TRHDE: variants seen among roughly 807,000 people sequenced by gnomAD.
The protein encoded by TRHDE is thyrotropin-releasing hormone-degrading ectoenzyme.
Under a neutral mutation model 125.7 loss-of-function variants are expected in TRHDE, and 72 were observed. That is an observed-to-expected ratio of 0.57 (90% CI 0.47 to 0.70). The LOEUF (loss-of-function observed/expected upper bound fraction) is 0.70. TRHDE is among the 30% of genes least tolerant of loss of function. The pLI, the probability that TRHDE is intolerant of heterozygous loss-of-function variation, is 0.00. For synonymous variants in TRHDE, 509 were observed against 509.1 expected, an observed-to-expected ratio of 1.00 and a Z score of 0.00; for missense variants, 1,110 against 1,327.1, an observed-to-expected ratio of 0.84 and a Z score of 2.54.
At chr12:72,187,310 AAC>A (rs59164233) in intron 2 of TRHDE, among the ~76,000 whole-genome samples, 18,483 of 130,996 alleles carry the variant, frequency 0.14, 1,235 homozygotes, top group African/African-American at 0.2. Context: ...AGAGAAACAC[AAC>A]ACACACACAC....
intron 2 of TRHDE, among the ~76,000 whole-genome samples, chr12:72,237,039 T>C (rs1720844357): frequency 6.6e-6 from 1 of 152,180 alleles, no homozygotes; most frequent in African/African-American, 2.4e-5. Flanking sequence ...TGTTGGTTCA[T>C]GGGAAAGAGC....
chr12:72,474,191 A>G (rs1326085558), intron 5 of TRHDE, among the ~76,000 whole-genome samples: 1 of 152,130 alleles, frequency 6.6e-6, no homozygotes, highest in Admixed American at 6.5e-5. Context: ...CATTCATAAA[A>G]CAAATGGTCA....
intron 1 of TRHDE, among the ~76,000 whole-genome samples, chr12:72,101,526 G>C (rs1875067365): frequency 6.6e-6 from 1 of 152,198 alleles, no homozygotes; most frequent in African/African-American, 2.4e-5. Flanking sequence ...AGGAAATTGA[G>C]GGGTGAGTGG....
In TRHDE at chr12:72,533,903, G is replaced by C. The variant is rs73348403; in HGVS notation, c.1723-8388G>C. ...TGTGATCCTCTTTGAATACTTTTTGGTCTCATATTATCTTGAATATAGACT... is the reference window on the plus strand; with the variant it reads ...TGTGATCCTCTTTGAATACTTTTTGCTCTCATATTATCTTGAATATAGACT... On this transcript the variant is annotated intron_variant, in intron 6 of 18. Coordinates refer to ENST00000261180, the MANE Select transcript of TRHDE (RefSeq NM_013381.3). 1.7e-3 allele frequency among the ~76,000 whole-genome samples: 261 copies of C among 151,058 alleles called. 2 individuals are homozygous for C. The highest frequency in any genetic ancestry group is 6.2e-3 in the African/African-American group (256 of 41,260).
At chr12:72,134,307 G>A (rs1875932637) in intron 2 of TRHDE, among the ~76,000 whole-genome samples, 1 of 152,050 alleles carries the variant, frequency 6.6e-6, no homozygotes, top group South Asian at 2.1e-4. Context: ...CATACCTGCA[G>A]AATCGCTCTA....
At chr12:72,619,319 A>G (rs1872952021) in intron 13 of TRHDE, among the ~76,000 whole-genome samples, 3 of 152,194 alleles carry the variant, frequency 2.0e-5, no homozygotes, top group South Asian at 2.1e-4. Flanking sequence ...TTACTTTCCA[A>G]GAGTTAGAGG....
intron 10 of TRHDE, among the ~76,000 whole-genome samples, chr12:72,574,627 G>T (rs1428240875): frequency 6.6e-6 from 1 of 151,956 alleles, no homozygotes; most frequent in Non-Finnish European, 1.5e-5. Context: ...AGCTGGTGAG[G>T]ATAATCAAAT....
intron 2 of TRHDE, among the ~76,000 whole-genome samples, chr12:72,335,922 C>T (rs1019988302): frequency 2.6e-5 from 4 of 151,936 alleles, no homozygotes; most frequent in Non-Finnish European, 4.4e-5. Flanking sequence ...TTTAGAAATG[C>T]TAGTGAGCAA....
chr12:72,536,757 G>C (rs1201124926), intron 6 of TRHDE, among the ~76,000 whole-genome samples: 2 of 151,984 alleles, frequency 1.3e-5, no homozygotes, highest in Non-Finnish European at 2.9e-5. Context: ...GAAGCTTTAT[G>C]TCTCCTAGAC....
chr12:72,400,117 T>C (rs1375594554), intron 3 of TRHDE, among the ~76,000 whole-genome samples: 1 of 152,090 alleles, frequency 6.6e-6, no homozygotes, highest in African/African-American at 2.4e-5. Context: ...AAGTCACTTA[T>C]TGGGTGAATA....
intron 7 of TRHDE, among the ~76,000 whole-genome samples, chr12:72,544,125 C>T (rs1211180107): frequency 4.6e-5 from 7 of 151,398 alleles, no homozygotes; most frequent in East Asian, 1.9e-4. Context: ...TTCAGTACTT[C>T]GCTTGCAGCT....
At chr12:72,495,481 C>T (rs996850849) in intron 5 of TRHDE, among the ~76,000 whole-genome samples, 1 of 152,046 alleles carries the variant, frequency 6.6e-6, no homozygotes, top group African/African-American at 2.4e-5. Flanking sequence ...TGAGTAAACA[C>T]TCATCCTTCA....
At chr12:72,502,129 T>C (rs1420962343) in intron 6 of TRHDE, among the ~76,000 whole-genome samples, 1 of 152,074 alleles carries the variant, frequency 6.6e-6, no homozygotes, top group Non-Finnish European at 1.5e-5. Context: ...TTTGTTGTAA[T>C]TGATTTTCTC....
Position 72,372,711 on chromosome 12 carries a change from A to G in TRHDE, c.1189-5284A>G, listed in dbSNP as rs1030735413. ...GATCAGATGGTTGTAGATATGCGGC[A>G]CTATTTCTGAGGGCTCTGTTCTGTT... is the stretch of plus-strand genomic sequence containing the variant. On this transcript the variant is annotated intron_variant, in intron 2 of 18. Transcript: ENST00000261180. Among the ~76,000 whole-genome samples the G allele has an allele frequency of 3.3e-5, 5 of 152,160 alleles. No homozygotes were observed. In the East Asian group the frequency reaches 5.8e-4, roughly 18 times the overall value.
At position 72,152,921 on chromosome 12, in the gene TRHDE, A is replaced by G. The variant is rs1030002515; in HGVS notation, n.279+47169A>G. On this transcript the variant is annotated intron_variant and non_coding_transcript_variant, in intron 2 of 4. Coordinates refer to the TRHDE transcript ENST00000548156. ...TGGTGCTGGCCTCATAAAATGAGTT[A>G]GGGAGGATTCCCTCTTTTTCTATTG... 1.1e-4 allele frequency among the ~76,000 whole-genome samples: 17 copies of G among 152,342 alleles called. No homozygotes were observed. The Middle Eastern group carries it at 0.01, about 91-fold the overall frequency.
intron 3 of TRHDE, among the ~76,000 whole-genome samples, chr12:72,456,543 T>G (rs1875863181): frequency 6.6e-6 from 1 of 152,122 alleles, no homozygotes. Flanking sequence ...AGTCTCCTGT[T>G]GCAAGTGTAG....
intron 2 of TRHDE, among the ~76,000 whole-genome samples, chr12:72,149,188 T>A (rs1193302558): frequency 1.3e-5 from 2 of 152,168 alleles, no homozygotes; most frequent in Non-Finnish European, 2.9e-5. Flanking sequence ...CCAATAACTA[T>A]TATTTTCTCC....
At chr12:72,242,898 G>C (rs1375247067) in intron 2 of TRHDE, among the ~76,000 whole-genome samples, 4 of 152,170 alleles carry the variant, frequency 2.6e-5, no homozygotes, top group African/African-American at 9.7e-5. Flanking sequence ...TCTTGATGGT[G>C]ATTAGCTAAG....
At chr12:72,638,701 T>C (rs1187092993) in intron 15 of TRHDE, among the ~76,000 whole-genome samples, 1 of 151,978 alleles carries the variant, frequency 6.6e-6, no homozygotes, top group Non-Finnish European at 1.5e-5. Context: ...GCAGGCCTGG[T>C]GGTGACAAAA....
Sources: gnomAD v4.1 joint callset for allele counts (sites outside exome capture counted in the v4.1 genomes callset) on GRCh38, gnomAD v4.1.1 for gene constraint, MANE v1.5 for transcripts, NCBI Gene and HGNC (gene_info 2026-07-23, HGNC 2026-07-21) for gene names.